The following GAK variants were observed in gnomAD, a reference collection of about 807,000 sequenced individuals.
GAK encodes cyclin-G-associated kinase.
A neutral mutation model predicts 143.9 loss-of-function variants in GAK; 79 were observed. The ratio of observed to expected loss-of-function variants is 0.55; its 90% CI spans 0.46 to 0.66. GAK has a LOEUF of 0.66. Among genes scored for constraint, GAK ranks in the 30% least tolerant of loss-of-function variants. The pLI, the probability that GAK is intolerant of heterozygous loss-of-function variation, is 0.00. For synonymous variants in GAK, 881 were observed against 765.5 expected, an observed-to-expected ratio of 1.15 and a Z score of -2.49; for missense variants, 1,693 against 1,779.7, an observed-to-expected ratio of 0.95 and a Z score of 0.88.
intron 1 of GAK, among the ~76,000 whole-genome samples, chr4:921,530 T>G (rs1723927681): frequency 6.6e-6 from 1 of 152,200 alleles, no homozygotes; most frequent in Non-Finnish European, 1.5e-5. Context: ...AATCTGCAAC[T>G]GTGAAGGTTT....
At chr4:903,599 C>CA in intron 5 of GAK, among the ~76,000 whole-genome samples, 1 of 147,194 alleles carries the variant, frequency 6.8e-6, no homozygotes, top group African/African-American at 2.7e-5. Context: ...GAGGAAGGAG[C>CA]GTGGGATGAG....
intron 3 of GAK, chr4:912,072 G>A (rs993772010): frequency 2.7e-5 from 13 of 475,766 alleles, no homozygotes; most frequent in Admixed American, 9.3e-5. Context: ...CGTGGCAGGA[G>A]GAGGCAGGGC....
At chr4:912,628 A>G (rs1722244164) in intron 3 of GAK, 107 bp downstream of exon 3, 1 of 831,062 alleles carries the variant, frequency 1.2e-6, no homozygotes, top group Admixed American at 2.4e-5. Flanking sequence ...TAACACATGA[A>G]AGACAACGTC....
chr4:888,653 G>A lies in GAK; in HGVS notation c.1205+194C>T, dbSNP rs568198492. The A allele has an allele frequency of 2.5e-5, 16 of 637,938 alleles. No individual in the cohort carries two copies. In the African/African-American group the frequency reaches 3.0e-4, roughly 12 times the overall value. 39.5% of individuals were successfully genotyped at this position (637,938 alleles called of 1,614,324 possible). A position where few individuals can be genotyped will look rare whatever the true frequency, so the allele number is the denominator to read the frequency against. The stretch of plus-strand genomic sequence containing the variant: ...TGCCCCCCAGGCGATGAAAGGAAAG[G>A]GATCTGCCTGGCTCTGTGGGATGCT... On this transcript the variant is annotated intron_variant, in intron 11 of 27. Transcript: ENST00000314167.
intron 4 of GAK, among the ~76,000 whole-genome samples, chr4:909,393 C>T (rs763482819): frequency 6.6e-6 from 1 of 152,216 alleles, no homozygotes. Flanking sequence ...CTGACAGACA[C>T]CTCAACCGAA....
In GAK at chr4:868,696, G is replaced by T. The variant is rs774748902; in HGVS notation, c.2249-11C>A. 6.5e-7 allele frequency: 1 copy of T among 1,547,522 alleles called. No individual in the cohort carries two copies. The highest frequency in any genetic ancestry group is 8.7e-7 in the Non-Finnish European group (1 of 1,146,392). On this transcript the variant is annotated splice_polypyrimidine_tract_variant and intron_variant, in intron 19 of 27. Transcript: ENST00000314167. ...GAAGCTCCGGCTTCCCTGCAGGAGA[G>T]GGAGGGCGTCAGGGCACTGGCACTG...
At chr4:871,037 G>A (rs1712486358) in intron 18 of GAK, 133 bp from the exon 19 acceptor site, 6 of 746,254 alleles carry the variant, frequency 8.0e-6, no homozygotes, top group South Asian at 2.0e-5. Flanking sequence ...CAGGGCAGCC[G>A]GCCACCCCCG....
At chr4:856,296 C>T (rs1379439355) in intron 24 of GAK, among the ~76,000 whole-genome samples, 7 of 140,280 alleles carry the variant, frequency 5.0e-5, no homozygotes, top group Non-Finnish European at 1.0e-4. Context: ...CAGCTGCTCA[C>T]CCCTGCTCAC....
intron 4 of GAK, among the ~76,000 whole-genome samples, chr4:907,406 T>C (rs901639916): frequency 1.3e-5 from 2 of 152,040 alleles, no homozygotes; most frequent in Non-Finnish European, 2.9e-5. Flanking sequence ...ATAGAAGGAA[T>C]GGGGTGCTCA....
intron 6 of GAK, among the ~76,000 whole-genome samples, chr4:897,258 C>T (rs1353653427): frequency 6.6e-6 from 1 of 152,166 alleles, no homozygotes. Flanking sequence ...GGACAGCGCA[C>T]GGCCTTGGGC....
At chr4:914,005 CCA>C (rs542749013) in intron 1 of GAK, 8 of 193,042 alleles carry the variant, frequency 4.1e-5, no homozygotes, top group African/African-American at 3.8e-4. Context: ...GTGCACGGCC[CCA>C]CACACACAGC....
At chr4:856,451 T>TACAGCTGCTCACC (rs1215171528) in intron 24 of GAK, among the ~76,000 whole-genome samples, 3 of 91,376 alleles carry the variant, frequency 3.3e-5, no homozygotes, top group African/African-American at 4.3e-5. Context: ...AGCTGCTCAC[T>TACAGCTGCTCACC]ACAGCTGCTC....
chr4:888,328 T>C (rs755413806), intron 11 of GAK: 2 of 154,652 alleles, frequency 1.3e-5, no homozygotes, highest in Non-Finnish European at 2.9e-5. Flanking sequence ...CTCTGGAACA[T>C]TCCCAGTGTT....
At chr4:867,697 G>C (rs1043002116) in intron 20 of GAK, among the ~76,000 whole-genome samples, 1 of 151,708 alleles carries the variant, frequency 6.6e-6, no homozygotes, top group Non-Finnish European at 1.5e-5. Context: ...GGAACACCAG[G>C]GTCCCCACGG....
Position 850,827 on chromosome 4 carries a change from G to A in GAK, c.3657+109C>T, listed in dbSNP as rs531130793. The A allele has an allele frequency of 1.3e-3, 1,638 of 1,222,562 alleles. 12 individuals carry two copies. In the African/African-American group the frequency reaches 0.022, roughly 16 times the overall value. 75.7% of individuals were successfully genotyped at this position (1,222,562 alleles called of 1,614,324 possible). ...CATGTGGTACAGCAGATGCTCCAGG[G>A]GTGAAAGGTTGCTGTCTGGAGACGC... On this transcript the variant is annotated intron_variant, in intron 26 of 27. Coordinates refer to ENST00000314167, the MANE Select transcript of GAK (RefSeq NM_005255.4).
intron 5 of GAK, among the ~76,000 whole-genome samples, chr4:901,512 G>C (rs550718632): frequency 3.3e-5 from 5 of 152,376 alleles, no homozygotes; most frequent in Non-Finnish European, 7.3e-5. Context: ...GTGGCTGCAT[G>C]GGCAGACATG....
chr4:863,030 T>C (rs1031533065), intron 23 of GAK, among the ~76,000 whole-genome samples: 2 of 152,230 alleles, frequency 1.3e-5, no homozygotes, highest in African/African-American at 4.8e-5. Flanking sequence ...CTGGGTAAAG[T>C]TCACTGACAA....
At chr4:911,883 G>C (rs1399178059) in intron 3 of GAK, 96 bp from the exon 4 acceptor site, 1 of 932,694 alleles carries the variant, frequency 1.1e-6, no homozygotes, top group Non-Finnish European at 1.7e-6. Context: ...ACTGAAGTCA[G>C]AATACTTGAA....
intron 7 of GAK, chr4:894,408 A>G: frequency 5.4e-6 from 1 of 185,140 alleles, no homozygotes; most frequent in South Asian, 1.0e-4. Flanking sequence ...CGGGGAGTGC[A>G]GGGGTGACTC....
Sources: allele counts gnomAD v4.1 joint callset (sites outside exome capture counted in the v4.1 genomes callset), GRCh38; gene constraint gnomAD v4.1.1; transcripts MANE v1.5; gene names NCBI Gene and HGNC (gene_info 2026-07-23, HGNC 2026-07-21).